ZSWIM6: variants seen among roughly 807,000 people sequenced by gnomAD.
ZSWIM6 encodes zinc finger SWIM-type containing 6, also known as zinc finger SWIM domain-containing protein 6.
ZSWIM6 carries 9 observed loss-of-function variants against 113.2 expected under a neutral mutation model. The observed-to-expected ratio is 0.08, with a 90% confidence interval of 0.05 to 0.14. The LOEUF (loss-of-function observed/expected upper bound fraction) is 0.14. Ranked by LOEUF, ZSWIM6 falls within the 10% of genes least tolerant of loss-of-function variation. ZSWIM6 has a pLI of 1.00. For synonymous variants in ZSWIM6, 611 were observed against 606.5 expected (o/e 1.01, Z -0.11); for missense variants, 1,162 against 1,552.2 (o/e 0.75, Z 4.22).
intron 1 of ZSWIM6, among the ~76,000 whole-genome samples, chr5:61,402,218 A>G (rs1239542919): frequency 6.6e-6 from 1 of 152,194 alleles, no homozygotes; most frequent in African/African-American, 2.4e-5. Flanking sequence ...TAGAGCACAC[A>G]TTCTGTAGAA....
chr5:61,506,058 T>C (rs1321005225), intron 4 of ZSWIM6, among the ~76,000 whole-genome samples: 1 of 151,986 alleles, frequency 6.6e-6, no homozygotes, highest in Non-Finnish European at 1.5e-5. Flanking sequence ...TTTATTTTCT[T>C]CCTTGACAAC....
chr5:61,518,031 A>G (rs1457197537), intron 4 of ZSWIM6, among the ~76,000 whole-genome samples: 2 of 146,646 alleles, frequency 1.4e-5, no homozygotes, highest in East Asian at 4.0e-4. Flanking sequence ...GAGTGAGAAC[A>G]TGCAGTGTTT....
intron 1 of ZSWIM6, among the ~76,000 whole-genome samples, chr5:61,371,752 A>G (rs1009234851): frequency 2.0e-5 from 3 of 152,072 alleles, no homozygotes; most frequent in African/African-American, 7.2e-5. Flanking sequence ...CAAGGGGTGT[A>G]AATAACTAAG....
At position 61,405,444 on chromosome 5, in the gene ZSWIM6, AACC is replaced by A. The variant is rs1746023713; in HGVS notation, c.677-67232_677-67230del. 2.6e-5 allele frequency among the ~76,000 whole-genome samples: 4 copies of A among 152,316 alleles called. 1 individual carries two copies. In the South Asian group the frequency reaches 8.3e-4, roughly 32 times the overall value. ...ATTTCTCTTTCAATTTCTTCACCAC[AACC>A]ACCATCATCGTCATGGAGAGGCTAA... On this transcript the variant is annotated intron_variant, in intron 1 of 13. Transcript: ENST00000252744.
chr5:61,371,077 A>T (rs556769307), intron 1 of ZSWIM6, among the ~76,000 whole-genome samples: 1 of 152,318 alleles, frequency 6.6e-6, no homozygotes, highest in South Asian at 2.1e-4. Flanking sequence ...CAGGGTGGGG[A>T]ATATGTCCTG....
At chr5:61,452,953 C>G (rs1221340130) in intron 1 of ZSWIM6, among the ~76,000 whole-genome samples, 1 of 152,148 alleles carries the variant, frequency 6.6e-6, no homozygotes, top group Admixed American at 6.6e-5. Context: ...TAGAAGGACC[C>G]TCAATTTGAG....
chr5:61,480,665 A>C (rs1034944356), intron 2 of ZSWIM6, among the ~76,000 whole-genome samples: 1 of 152,184 alleles, frequency 6.6e-6, no homozygotes, highest in African/African-American at 2.4e-5. Flanking sequence ...ATAAAACTTA[A>C]ATCTTTTCTA....
rs1449465061 is a variant in ZSWIM6, at chr5:61,535,599, A to C, written c.2361A>C (p.Lys787Asn). ...CTCACGATGCTGAATTGGCATACAA[A>C]ATTGCACTGAGAGCAATGCGGTATG... ...LLPHDAELAY[K>N]IALRAMRLLV... The change falls in exon 10 of 14, where the codon AAA (lysine) becomes AAC (asparagine). Residue 787 changes from lysine (K) to asparagine (N), a missense_variant. Physicochemically the swap from Lys to Asn is moderately conservative, Grantham distance 94. Around this residue, in one of 4 missense-constraint regions of ZSWIM6, gnomAD observed 620 missense variants for 804.6 expected, o/e 0.77. Transcript: ENST00000252744. 1.3e-6 allele frequency: 2 copies of C among 1,551,222 alleles called. No individual in the cohort carries two copies. Among genetic ancestry groups the C allele is most frequent in the South Asian group, 2.4e-5 (2 of 84,048 alleles).
intron 2 of ZSWIM6, among the ~76,000 whole-genome samples, chr5:61,477,980 A>C (rs11951114): frequency 1 from 152,204 of 152,344 alleles, 76,034 homozygotes; most frequent in Non-Finnish European, 1. Context: ...CTGATGGAGG[A>C]CTCATGTCAC....
At chr5:61,531,806 G>A (rs1749442591) in intron 9 of ZSWIM6, 81 bp downstream of exon 9, 1 of 1,451,050 alleles carries the variant, frequency 6.9e-7, no homozygotes, top group African/African-American at 1.4e-5. Flanking sequence ...AGTGCTATCT[G>A]AATGCATTTA....
intron 1 of ZSWIM6, chr5:61,347,149 T>A (rs1744675428): frequency 6.5e-6 from 1 of 154,876 alleles, no homozygotes; most frequent in Non-Finnish European, 1.4e-5. Context: ...TTTTGCTGAG[T>A]GAATTGTACC....
chr5:61,460,330 A>G (rs1351079105), intron 1 of ZSWIM6, among the ~76,000 whole-genome samples: 1 of 152,066 alleles, frequency 6.6e-6, no homozygotes, highest in Admixed American at 6.5e-5. Context: ...TTAATATCTT[A>G]CAGCAGTTAT....
At chr5:61,432,370 C>A (rs1181192556) in intron 1 of ZSWIM6, among the ~76,000 whole-genome samples, 1 of 152,156 alleles carries the variant, frequency 6.6e-6, no homozygotes, top group African/African-American at 2.4e-5. Context: ...AGAAAGAAGA[C>A]CAAAAACAGT....
rs74728680 is a variant in ZSWIM6, at chr5:61,390,067, T to C, written c.676+57119T>C. Among the ~76,000 whole-genome samples, 1,092 of 152,330 alleles carry C rather than the reference T, an allele frequency of 7.2e-3. 10 individuals are homozygous for C. The highest frequency in any genetic ancestry group is 0.022 in the African/African-American group (915 of 41,578). On this transcript the variant is annotated intron_variant, in intron 1 of 13. Transcript: ENST00000252744. ...CTTTCTTCATCTTCATTCCATATCT[T>C]CTTTCCTTTTCTCTGTCAGCCTGCC... is the stretch of plus-strand genomic sequence containing the variant.
At chr5:61,535,740 A>G (rs1749557461) in intron 10 of ZSWIM6, 121 bp downstream of exon 10, 23 of 1,262,618 alleles carry the variant, frequency 1.8e-5, no homozygotes, top group Non-Finnish European at 2.3e-5. Flanking sequence ...GAAACTATGT[A>G]TTTATGCTTC....
At chr5:61,382,866 G>T (rs1293536716) in intron 1 of ZSWIM6, among the ~76,000 whole-genome samples, 2 of 152,082 alleles carry the variant, frequency 1.3e-5, no homozygotes, top group Non-Finnish European at 2.9e-5. Flanking sequence ...TAGAGTGCAT[G>T]GGGAAGTAGG....
At chr5:61,513,056 A>G (rs1748831258) in intron 4 of ZSWIM6, among the ~76,000 whole-genome samples, 1 of 152,072 alleles carries the variant, frequency 6.6e-6, no homozygotes, top group African/African-American at 2.4e-5. Context: ...ATAATGATAC[A>G]TGTATCCACC....
chr5:61,500,479 G>A (rs1286269253), intron 4 of ZSWIM6, among the ~76,000 whole-genome samples: 4 of 151,940 alleles, frequency 2.6e-5, no homozygotes, highest in African/African-American at 9.7e-5. Flanking sequence ...CTCTCTACTC[G>A]GAGCAGAGCA....
intron 1 of ZSWIM6, among the ~76,000 whole-genome samples, chr5:61,465,987 C>T (rs1426242657): frequency 2.6e-5 from 4 of 152,186 alleles, no homozygotes; most frequent in African/African-American, 9.7e-5. Context: ...TCACAGGATG[C>T]AGTCCCTTTA....
Sources: allele counts gnomAD v4.1 joint callset (sites outside exome capture counted in the v4.1 genomes callset), GRCh38; gene constraint gnomAD v4.1.1; regional missense constraint gnomAD v4.1.1; transcripts MANE v1.5; gene names NCBI Gene and HGNC (gene_info 2026-07-23, HGNC 2026-07-21).